TRPC4: variants seen among roughly 807,000 people sequenced by gnomAD.
The protein encoded by TRPC4 is short transient receptor potential channel 4.
Under a neutral mutation model 99.4 loss-of-function variants are expected in TRPC4, and 49 were observed. The observed-to-expected ratio is 0.49, with a 90% CI of 0.39 to 0.63. The LOEUF (loss-of-function observed/expected upper bound fraction) is 0.63, where lower values mean the gene tolerates loss of function less well. Among genes scored for constraint, TRPC4 ranks in the 20% least tolerant of loss-of-function variants. The pLI, the probability that TRPC4 is intolerant of heterozygous loss-of-function variation, is 0.00. For missense variants in TRPC4, 898 were observed against 1,152.9 expected, an observed-to-expected ratio of 0.78 and a Z score of 3.20; for synonymous variants, 454 against 425.9, an observed-to-expected ratio of 1.07 and a Z score of -0.81.
At chr13:37,720,633 G>T (rs946827907) in intron 3 of TRPC4, among the ~76,000 whole-genome samples, 4 of 152,016 alleles carry the variant, frequency 2.6e-5, no homozygotes, top group African/African-American at 9.7e-5. Flanking sequence ...CAATACCTCA[G>T]ATAATGACAG....
At chr13:37,862,721 T>C (rs1959456547) in intron 1 of TRPC4, among the ~76,000 whole-genome samples, 1 of 151,576 alleles carries the variant, frequency 6.6e-6, no homozygotes, top group African/African-American at 2.4e-5. Flanking sequence ...AAACTTTGCT[T>C]AAAATATTAA....
At position 37,827,234 on chromosome 13, in the gene TRPC4, C is replaced by G. The variant is rs1593270553; in HGVS notation, c.-28+42361G>C. ...TTGGTTTCAATGTCCTCCCATAGCT[C>G]AGAGGAATTTGATCGTCTGAAGCCT... On this transcript the variant is annotated intron_variant, in intron 1 of 10. Transcript: ENST00000379705. Among the ~76,000 whole-genome samples, 4 of 152,230 alleles carry G rather than the reference C, an allele frequency of 2.6e-5. No individual in the cohort carries two copies. In the East Asian group the frequency reaches 7.8e-4, roughly 30 times the overall value.
intron 1 of TRPC4, among the ~76,000 whole-genome samples, chr13:37,794,908 A>C (rs1957208521): frequency 6.6e-6 from 1 of 152,170 alleles, no homozygotes; most frequent in Non-Finnish European, 1.5e-5. Flanking sequence ...ATTAAGAGAC[A>C]TAGTTTCAAA....
intron 4 of TRPC4, among the ~76,000 whole-genome samples, chr13:37,677,510 A>C (rs1013069045): frequency 6.6e-6 from 1 of 152,164 alleles, no homozygotes; most frequent in Non-Finnish European, 1.5e-5. Flanking sequence ...CCGTGGCTAC[A>C]TTAATATAAA....
intron 1 of TRPC4, among the ~76,000 whole-genome samples, chr13:37,812,197 C>CAAAAAAAAAAAAAAAA (rs1156963631): frequency 3.5e-4 from 39 of 111,246 alleles, no homozygotes; most frequent in South Asian, 6.1e-4. Context: ...AAAAAAAAAC[C>CAAAAAAAAAAAAAAAA]AGGAGATCTA....
At chr13:37,662,044 C>T (rs1211821083) in intron 6 of TRPC4, among the ~76,000 whole-genome samples, 1 of 152,124 alleles carries the variant, frequency 6.6e-6, no homozygotes, top group Non-Finnish European at 1.5e-5. Context: ...CGAAGTGGCT[C>T]ATGCCTGTAA....
At chr13:37,754,193 T>C (rs563870927) in intron 2 of TRPC4, among the ~76,000 whole-genome samples, 2 of 152,226 alleles carry the variant, frequency 1.3e-5, no homozygotes, top group African/African-American at 4.8e-5. Flanking sequence ...CTCAACGCAG[T>C]CTATTTTATA....
chr13:37,777,932 C>G (rs1170534516), intron 2 of TRPC4, among the ~76,000 whole-genome samples: 2 of 152,014 alleles, frequency 1.3e-5, no homozygotes, highest in African/African-American at 4.8e-5. Flanking sequence ...ACTCTGTGCT[C>G]TTTCCCAGCA....
chr13:37,653,034 C>T (rs962758164), intron 7 of TRPC4, among the ~76,000 whole-genome samples: 7 of 152,144 alleles, frequency 4.6e-5, no homozygotes, highest in African/African-American at 1.7e-4. Context: ...TCCTTAGAAG[C>T]CTGTTCTGCC....
At chr13:37,637,742 A>G (rs1008475474) in intron 10 of TRPC4, 117 bp from the exon 11 acceptor site, 11 of 999,370 alleles carry the variant, frequency 1.1e-5, no homozygotes, top group Non-Finnish European at 1.3e-5. Flanking sequence ...CAAGGATTCT[A>G]CTCTACTGTG....
At chr13:37,803,517 A>G (rs114135502) in intron 1 of TRPC4, among the ~76,000 whole-genome samples, 1,628 of 152,228 alleles carry the variant, frequency 0.011, 21 homozygotes, top group African/African-American at 0.037. Flanking sequence ...GTAAACATAT[A>G]AACAATTCAT....
At chr13:37,782,881 A>G in intron 2 of TRPC4, 75 bp downstream of exon 2, 1 of 1,310,340 alleles carries the variant, frequency 7.6e-7, no homozygotes, top group Non-Finnish European at 9.9e-7. Context: ...ATCTAAAAAA[A>G]AAAAAAGAAA....
rs550669714 is a variant in TRPC4 at position 37,803,923 on chromosome 13, T to C, written c.-27-20563A>G. ...ACTGGGAGAAATACCTGAGTATGTATATTGTGAGGCATTAAAAAGTCCCTC... is the reference window on the plus strand; with the variant it reads ...ACTGGGAGAAATACCTGAGTATGTACATTGTGAGGCATTAAAAAGTCCCTC... On this transcript the variant is annotated intron_variant, in intron 1 of 10. Coordinates refer to ENST00000379705, the MANE Select transcript of TRPC4 (RefSeq NM_016179.4). Among the ~76,000 whole-genome samples, 9 of 152,220 alleles carry C rather than the reference T, an allele frequency of 5.9e-5. No individual in the cohort carries two copies. In the South Asian group the frequency reaches 1.9e-3, roughly 32 times the overall value.
At chr13:37,849,439 G>T (rs1233350135) in intron 1 of TRPC4, among the ~76,000 whole-genome samples, 1 of 152,116 alleles carries the variant, frequency 6.6e-6, no homozygotes, top group Non-Finnish European at 1.5e-5. Flanking sequence ...ATGTAGTGTT[G>T]AGGAACAAAG....
intron 2 of TRPC4, among the ~76,000 whole-genome samples, chr13:37,749,390 T>G (rs1358024067): frequency 6.6e-6 from 1 of 152,126 alleles, no homozygotes; most frequent in Non-Finnish European, 1.5e-5. Flanking sequence ...ACATTATATG[T>G]TGTCTTTACC....
chr13:37,807,372 A>G (rs1233666890), intron 1 of TRPC4, among the ~76,000 whole-genome samples: 6 of 152,200 alleles, frequency 3.9e-5, no homozygotes, highest in Admixed American at 2.6e-4. Flanking sequence ...GATATTTACA[A>G]GTGTCAGAAT....
chr13:37,715,662 G>T (rs1465582059), intron 3 of TRPC4, among the ~76,000 whole-genome samples: 3 of 152,088 alleles, frequency 2.0e-5, no homozygotes, highest in Non-Finnish European at 4.4e-5. Flanking sequence ...AGATAAGTGG[G>T]TTCACAAACT....
intron 2 of TRPC4, among the ~76,000 whole-genome samples, chr13:37,768,761 C>T (rs1400234919): frequency 6.6e-6 from 1 of 151,018 alleles, no homozygotes; most frequent in Non-Finnish European, 1.5e-5. Context: ...GATTTCTCAC[C>T]TCTCATGCCC....
intron 3 of TRPC4, among the ~76,000 whole-genome samples, chr13:37,728,535 A>G (rs577898034): frequency 9.9e-5 from 15 of 152,222 alleles, no homozygotes; most frequent in African/African-American, 3.1e-4. Context: ...ATTAAAGAAG[A>G]CATGCATAAA....
Sources: gnomAD v4.1 joint callset for allele counts (sites outside exome capture counted in the v4.1 genomes callset) on GRCh38, gnomAD v4.1.1 for gene constraint, MANE v1.5 for transcripts, NCBI Gene and HGNC (gene_info 2026-07-23, HGNC 2026-07-21) for gene names.